MPPED1: variants seen among roughly 807,000 people sequenced by gnomAD.
MPPED1 encodes metallophosphoesterase domain containing 1, also known as metallophosphoesterase domain-containing protein 1.
MPPED1 carries 16 observed loss-of-function variants against 36.2 expected under a neutral mutation model. The ratio of observed to expected loss-of-function variants is 0.44; its 90% CI spans 0.30 to 0.67. MPPED1 has a LOEUF of 0.67. MPPED1 is among the 30% of genes least tolerant of loss of function. MPPED1 has a pLI of 0.10. For synonymous variants in MPPED1, 199 were observed against 191.3 expected (o/e 1.04, Z -0.33); for missense variants, 307 against 453.4 (o/e 0.68, Z 2.93).
intron 5 of MPPED1, among the ~76,000 whole-genome samples, chr22:43,501,961 C>T (rs570739134): frequency 7.9e-4 from 120 of 152,178 alleles, no homozygotes; most frequent in African/African-American, 2.8e-3. Context: ...GTTCTGCTCA[C>T]CCAAACAGAG....
intron 2 of MPPED1, among the ~76,000 whole-genome samples, chr22:43,432,220 GAC>G (rs1929714353): frequency 6.6e-6 from 1 of 150,896 alleles, no homozygotes; most frequent in African/African-American, 2.4e-5. Context: ...GAGAGAGAGA[GAC>G]ACAGAGAGAA....
At chr22:43,479,401 G>C (rs1300362392) in intron 4 of MPPED1, among the ~76,000 whole-genome samples, 1 of 152,236 alleles carries the variant, frequency 6.6e-6, no homozygotes, top group East Asian at 1.9e-4. Context: ...GGCCGACCAG[G>C]CTGAGGGGCA....
chr22:43,424,918 G>T lies in MPPED1; in HGVS notation c.-68G>T. The T allele has an allele frequency of 6.5e-7, 1 of 1,536,728 alleles. No homozygotes were observed. Among genetic ancestry groups the T allele is most frequent in the Non-Finnish European group, 8.7e-7 (1 of 1,143,920 alleles). On this transcript the variant is annotated 5_prime_UTR_variant, in exon 2 of 7. It adds an upstream start codon to the 5' untranslated region. Transcript: ENST00000443721. Reference sequence around the variant, plus strand: ...GCTCCGTCTCCTCAGTCTGTTTCCAGGTCTGGCGGGGGGCCGGGCTGCGGT... The same window carrying T: ...GCTCCGTCTCCTCAGTCTGTTTCCATGTCTGGCGGGGGGCCGGGCTGCGGT...
rs1932826788 is a variant in MPPED1, at chr22:43,507,049, C to T, written c.*1433C>T. 6.6e-6 allele frequency: 1 copy of T among 152,182 alleles called. No individual in the cohort carries two copies. Among genetic ancestry groups the T allele is most frequent in the Admixed American group, 6.5e-5 (1 of 15,288 alleles). The allele number at this position is 152,182 out of a possible 1,614,324, so 9.4% of individuals were successfully genotyped here. A position where few individuals can be genotyped will look rare whatever the true frequency, so the allele number is the denominator to read the frequency against. On this transcript the variant is annotated 3_prime_UTR_variant, in exon 7 of 7. Coordinates refer to ENST00000443721, the MANE Select transcript of MPPED1 (RefSeq NM_001044370.2). Reference sequence around the variant, plus strand: ...TGCAGATATAGACTCATTTCATCCTCAGATGGTCCTTCAAGGTAGGTACTT... The same window carrying T: ...TGCAGATATAGACTCATTTCATCCTTAGATGGTCCTTCAAGGTAGGTACTT...
chr22:43,432,213 A>G (rs1023292436), intron 2 of MPPED1, among the ~76,000 whole-genome samples: 5 of 33,968 alleles, frequency 1.5e-4, no homozygotes, highest in Admixed American at 5.6e-4. Flanking sequence ...ACAGAGAGAG[A>G]GAGAGAGACA....
intron 3 of MPPED1, among the ~76,000 whole-genome samples, chr22:43,452,103 T>C (rs1219192101): frequency 6.6e-6 from 1 of 151,480 alleles, no homozygotes; most frequent in African/African-American, 2.4e-5. Flanking sequence ...CTGCAACCTC[T>C]GCCTCCCAGG....
At position 43,468,046 on chromosome 22, in the gene MPPED1, G is replaced by A. The variant is rs557421414; in HGVS notation, c.407-6690G>A. 1.3e-3 allele frequency among the ~76,000 whole-genome samples: 203 copies of A among 152,354 alleles called. 1 individual carries two copies. The highest frequency in any genetic ancestry group is 4.8e-3 in the African/African-American group (200 of 41,580). On this transcript the variant is annotated intron_variant, in intron 3 of 6. Coordinates refer to ENST00000443721, the MANE Select transcript of MPPED1 (RefSeq NM_001044370.2). The stretch of plus-strand genomic sequence containing the variant: ...GCCCCGTGCGGCAGCTGCACTTGTT[G>A]CAATGTGGAATCTGTGTGCGGATAC...
chr22:43,486,849 A>T (rs1422880254), intron 4 of MPPED1, among the ~76,000 whole-genome samples: 2 of 151,954 alleles, frequency 1.3e-5, no homozygotes, highest in East Asian at 3.9e-4. Flanking sequence ...TAAAATGGAC[A>T]CGTAAGTCTC....
intron 1 of MPPED1, among the ~76,000 whole-genome samples, chr22:43,420,909 A>T (rs921953277): frequency 6.6e-6 from 1 of 152,192 alleles, no homozygotes; most frequent in African/African-American, 2.4e-5. Flanking sequence ...CAGGGAGAGC[A>T]TGTAGGGCCT....
rs560236959 is a variant in MPPED1 at position 43,422,749 on chromosome 22, C to A, written c.-78-2159C>A. ...CTGTGACCATCACAGCTGAGGTGAG[C>A]CGGCGCCTGGGACCCACCAGGCATT... On this transcript the variant is annotated intron_variant, in intron 1 of 6. Transcript: ENST00000443721. 1.4e-4 allele frequency among the ~76,000 whole-genome samples: 22 copies of A among 152,250 alleles called. 2 individuals are homozygous for A. In the South Asian group the frequency reaches 4.6e-3, roughly 32 times the overall value.
chr22:43,477,750 G>T (rs1931622169), intron 4 of MPPED1, among the ~76,000 whole-genome samples: 1 of 152,262 alleles, frequency 6.6e-6, no homozygotes, highest in Non-Finnish European at 1.5e-5. Flanking sequence ...CCTGCAGCCA[G>T]TGAGGTCCCA....
intron 3 of MPPED1, among the ~76,000 whole-genome samples, chr22:43,436,192 G>A (rs562085103): frequency 6.6e-6 from 1 of 152,238 alleles, no homozygotes; most frequent in African/African-American, 2.4e-5. Flanking sequence ...CTCACAGTGA[G>A]GCATCTCTGT....
chr22:43,420,036 G>C (rs1417785832), intron 1 of MPPED1, among the ~76,000 whole-genome samples: 2 of 152,092 alleles, frequency 1.3e-5, no homozygotes, highest in African/African-American at 4.8e-5. Context: ...TGGGCTGCGG[G>C]GACCTGGAGT....
intron 6 of MPPED1, among the ~76,000 whole-genome samples, chr22:43,504,286 G>T (rs1447509949): frequency 6.6e-6 from 1 of 151,872 alleles, no homozygotes; most frequent in African/African-American, 2.4e-5. Context: ...AATAATGAGG[G>T]TGATAATAAT....
At chr22:43,490,952 T>C (rs1932062954) in intron 4 of MPPED1, among the ~76,000 whole-genome samples, 1 of 152,090 alleles carries the variant, frequency 6.6e-6, no homozygotes, top group Non-Finnish European at 1.5e-5. Flanking sequence ...TGAGACGCTG[T>C]CGGCTCTTCT....
chr22:43,418,257 C>T, intron 1 of MPPED1: 1 of 427,982 alleles, frequency 2.3e-6, no homozygotes, highest in Admixed American at 2.5e-5. Context: ...TGAACTGGGG[C>T]TGTCCTGGGC....
chr22:43,446,254 A>T (rs1930342873), intron 3 of MPPED1, among the ~76,000 whole-genome samples: 1 of 152,166 alleles, frequency 6.6e-6, no homozygotes, highest in Non-Finnish European at 1.5e-5. Context: ...GCACTTGATT[A>T]TTTACTCAAC....
chr22:43,439,741 C>T (rs1290884306), intron 3 of MPPED1, among the ~76,000 whole-genome samples: 1 of 152,222 alleles, frequency 6.6e-6, no homozygotes, highest in East Asian at 1.9e-4. Flanking sequence ...CTTGCCACTC[C>T]CAGATCCTTG....
At chr22:43,418,160 T>C (rs1448235405) in intron 1 of MPPED1, 1 of 456,154 alleles carries the variant, frequency 2.2e-6, no homozygotes, top group Non-Finnish European at 4.4e-6. Flanking sequence ...GCACTGGCTT[T>C]GATCAGAGTG....
Sources: allele counts gnomAD v4.1 joint callset (sites outside exome capture counted in the v4.1 genomes callset), GRCh38; gene constraint gnomAD v4.1.1; transcripts MANE v1.5; gene names NCBI Gene and HGNC (gene_info 2026-07-23, HGNC 2026-07-21).